Variants in CAMK4 observed in about 807,000 individuals in gnomAD.
CAMK4 encodes calcium/calmodulin dependent protein kinase IV.
Under a neutral mutation model 44.9 loss-of-function variants are expected in CAMK4, and 22 were observed. That is an observed-to-expected ratio of 0.49 (90% CI 0.35 to 0.70). CAMK4 has a LOEUF of 0.70. Ranked by LOEUF, CAMK4 falls within the 30% of genes least tolerant of loss-of-function variation. CAMK4 has a pLI of 0.01. For synonymous variants in CAMK4, 218 were observed against 215.4 expected, an observed-to-expected ratio of 1.01 and a Z score of -0.11; for missense variants, 498 against 586.8, an observed-to-expected ratio of 0.85 and a Z score of 1.56.
chr5:111,469,475 G>T (rs1183312030), intron 7 of CAMK4, among the ~76,000 whole-genome samples: 1 of 152,094 alleles, frequency 6.6e-6, no homozygotes, highest in Non-Finnish European at 1.5e-5. Flanking sequence ...TACACCCAGT[G>T]CTGCGACAGA....
At chr5:111,465,094 G>A (rs1474109684) in intron 7 of CAMK4, among the ~76,000 whole-genome samples, 1 of 152,088 alleles carries the variant, frequency 6.6e-6, no homozygotes, top group Non-Finnish European at 1.5e-5. Flanking sequence ...CTGCCCTGTG[G>A]AGTTTCCTCT....
At chr5:111,245,363 T>C (rs1016271067) in intron 1 of CAMK4, among the ~76,000 whole-genome samples, 6 of 152,242 alleles carry the variant, frequency 3.9e-5, no homozygotes, top group Non-Finnish European at 5.9e-5. Context: ...TTTAATTTAT[T>C]GTTGATAATA....
chr5:111,327,406 C>T (rs190961204), intron 1 of CAMK4, among the ~76,000 whole-genome samples: 24 of 152,156 alleles, frequency 1.6e-4, no homozygotes, highest in Admixed American at 6.5e-4. Context: ...TCCAGTCTGT[C>T]GTTGTGGGAC....
chr5:111,297,139 A>C (rs1747520892), intron 1 of CAMK4, among the ~76,000 whole-genome samples: 1 of 152,204 alleles, frequency 6.6e-6, no homozygotes, highest in Non-Finnish European at 1.5e-5. Flanking sequence ...CTAGAATTCC[A>C]ATTTTTTGAA....
At chr5:111,302,655 A>G (rs1438712125) in intron 1 of CAMK4, 4 of 23,994 alleles carry the variant, frequency 1.7e-4, no homozygotes, top group South Asian at 1.2e-3. Flanking sequence ...CAAGGCGGCA[A>G]CGAGGCTGGG....
At chr5:111,351,935 A>C (rs1264121160) in intron 2 of CAMK4, among the ~76,000 whole-genome samples, 1 of 151,900 alleles carries the variant, frequency 6.6e-6, no homozygotes, top group African/African-American at 2.4e-5. Flanking sequence ...TGATGAGGGC[A>C]CTCTTTTTGG....
At position 111,363,691 on chromosome 5, in the gene CAMK4, G is replaced by A. The variant is rs1750685051; in HGVS notation, c.241-11159G>A. ...ACTCTCAATGAACCAAGTGAAAAAA[G>A]AGGCCTGATGGAAGAGGGAACAGCA... On this transcript the variant is annotated intron_variant, in intron 2 of 10. Transcript: ENST00000282356. Among the ~76,000 whole-genome samples the A allele has an allele frequency of 2.0e-5, 3 of 150,308 alleles. No homozygotes were observed. The South Asian group carries it at 6.2e-4, about 31-fold the overall frequency.
At chr5:111,360,204 A>G (rs1244423341) in intron 2 of CAMK4, among the ~76,000 whole-genome samples, 1 of 152,178 alleles carries the variant, frequency 6.6e-6, no homozygotes, top group East Asian at 1.9e-4. Flanking sequence ...AGTCTCTTTT[A>G]GTTTAAAAGT....
intron 1 of CAMK4, among the ~76,000 whole-genome samples, chr5:111,308,643 T>C (rs2112663913): frequency 6.6e-6 from 1 of 152,320 alleles, no homozygotes; most frequent in Admixed American, 6.5e-5. Flanking sequence ...GAATGTTATT[T>C]AGAGAGGTTC....
chr5:111,397,683 G>A (rs951288374), intron 5 of CAMK4, among the ~76,000 whole-genome samples: 1 of 133,296 alleles, frequency 7.5e-6, no homozygotes, highest in African/African-American at 3.2e-5. Flanking sequence ...GTGTGTGTGT[G>A]TGTGTGTGTT....
intron 7 of CAMK4, among the ~76,000 whole-genome samples, chr5:111,449,433 A>G (rs1396217299): frequency 1.3e-5 from 2 of 152,232 alleles, no homozygotes; most frequent in Non-Finnish European, 2.9e-5. Context: ...CCTTTGAGCC[A>G]GTGGCTACTC....
intron 4 of CAMK4, among the ~76,000 whole-genome samples, chr5:111,380,755 A>G (rs963218396): frequency 1.3e-5 from 2 of 152,142 alleles, no homozygotes; most frequent in African/African-American, 4.8e-5. Flanking sequence ...CATTATGTGT[A>G]AAAGGTTTTA....
intron 1 of CAMK4, among the ~76,000 whole-genome samples, chr5:111,230,592 A>T (rs1490479428): frequency 4.6e-5 from 7 of 151,264 alleles, no homozygotes; most frequent in African/African-American, 1.5e-4. Flanking sequence ...CACAGGTGCC[A>T]TCTGCTTCTA....
At chr5:111,475,879 T>C in intron 8 of CAMK4, among the ~76,000 whole-genome samples, 1 of 152,232 alleles carries the variant, frequency 6.6e-6, no homozygotes, top group Admixed American at 6.5e-5. Context: ...CCTGAGACTA[T>C]GACCTCTAAC....
At chr5:111,373,074 A>G (rs139428963) in intron 2 of CAMK4, among the ~76,000 whole-genome samples, 144 of 152,352 alleles carry the variant, frequency 9.5e-4, no homozygotes, top group African/African-American at 3.3e-3. Context: ...CATCCAAACA[A>G]CAAAAGTAAA....
chr5:111,412,431 A>G (rs764704454), intron 5 of CAMK4, among the ~76,000 whole-genome samples: 1 of 152,244 alleles, frequency 6.6e-6, no homozygotes, highest in Admixed American at 6.5e-5. Context: ...CATTTCAAAA[A>G]TAATAGCAAC....
At chr5:111,476,576 C>G (rs1755253558) in intron 8 of CAMK4, among the ~76,000 whole-genome samples, 1 of 151,758 alleles carries the variant, frequency 6.6e-6, no homozygotes, top group Non-Finnish European at 1.5e-5. Context: ...CGCGCATGGC[C>G]CACTCTTTCC....
intron 7 of CAMK4, chr5:111,449,561 G>C (rs963732195): frequency 6.2e-6 from 1 of 160,212 alleles, no homozygotes; most frequent in South Asian, 1.9e-4. Flanking sequence ...TCCTTGGATG[G>C]AGAGTGTGTG....
At chr5:111,323,039 T>C (rs558048243) in intron 1 of CAMK4, among the ~76,000 whole-genome samples, 31 of 152,186 alleles carry the variant, frequency 2.0e-4, no homozygotes, top group African/African-American at 6.7e-4. Context: ...AAATGGAATA[T>C]ATGTCTCAGA....
Sources: allele counts gnomAD v4.1 joint callset (sites outside exome capture counted in the v4.1 genomes callset), GRCh38; gene constraint gnomAD v4.1.1; transcripts MANE v1.5; gene names NCBI Gene and HGNC (gene_info 2026-07-23, HGNC 2026-07-21).